The following DCC variants were observed in gnomAD, a reference collection of about 807,000 sequenced individuals.
The protein encoded by DCC is DCC netrin 1 receptor.
A neutral mutation model predicts 172.5 loss-of-function variants in DCC; 58 were observed. The ratio of observed to expected loss-of-function variants is 0.34; its 90% CI spans 0.27 to 0.42. The LOEUF (loss-of-function observed/expected upper bound fraction) is 0.42, where lower values mean the gene tolerates loss of function less well. Among genes scored for constraint, DCC ranks in the 10% least tolerant of loss-of-function variants. The pLI is 1.00. For missense variants in DCC, 1,740 were observed against 1,791.0 expected, an observed-to-expected ratio of 0.97 and a Z score of 0.51; for synonymous variants, 709 against 644.5, an observed-to-expected ratio of 1.10 and a Z score of -1.52.
intron 5 of DCC, among the ~76,000 whole-genome samples, chr18:53,019,326 A>T (rs542888550): frequency 6.6e-6 from 1 of 152,172 alleles, no homozygotes; most frequent in South Asian, 2.1e-4. Flanking sequence ...TTATTTTTAC[A>T]GAAGACATTG....
chr18:52,809,668 G>T (rs56917090), intron 2 of DCC, among the ~76,000 whole-genome samples: 1 of 152,172 alleles, frequency 6.6e-6, no homozygotes, highest in Non-Finnish European at 1.5e-5. Context: ...AGCAGTGGGG[G>T]ACGGTGAGTA....
intron 1 of DCC, among the ~76,000 whole-genome samples, chr18:52,372,489 A>T (rs1985164509): frequency 6.6e-6 from 1 of 152,186 alleles, no homozygotes; most frequent in African/African-American, 2.4e-5. Context: ...GACAGCAACT[A>T]TTACTTGTGG....
chr18:53,231,863 A>G (rs1486442850), intron 12 of DCC, among the ~76,000 whole-genome samples: 1 of 152,098 alleles, frequency 6.6e-6, no homozygotes, highest in Non-Finnish European at 1.5e-5. Flanking sequence ...TGTAATTCTT[A>G]TTTTGCTGAC....
intron 5 of DCC, among the ~76,000 whole-genome samples, chr18:52,946,998 C>G (rs917405515): frequency 1.1e-5 from 1 of 88,350 alleles, no homozygotes; most frequent in Non-Finnish European, 2.6e-5. Context: ...GGCTCACCTA[C>G]TCACCTCACC....
At chr18:52,763,866 A>C (rs946740244) in intron 2 of DCC, among the ~76,000 whole-genome samples, 1 of 152,188 alleles carries the variant, frequency 6.6e-6, no homozygotes, top group South Asian at 2.1e-4. Context: ...TATCTTGGGC[A>C]TCTTCCTATA....
chr18:52,721,306 T>A (rs2036470577), intron 1 of DCC, among the ~76,000 whole-genome samples: 1 of 152,216 alleles, frequency 6.6e-6, no homozygotes, highest in Admixed American at 6.5e-5. Flanking sequence ...GTCATTCAAG[T>A]GAGTAATTTA....
chr18:53,090,730 A>C (rs1568298474), intron 7 of DCC, among the ~76,000 whole-genome samples: 1 of 133,070 alleles, frequency 7.5e-6, no homozygotes, highest in Non-Finnish European at 1.6e-5. Context: ...AAAAAAAAAA[A>C]AAAAGAATGT....
intron 2 of DCC, among the ~76,000 whole-genome samples, chr18:52,873,070 A>G (rs147819178): frequency 5.9e-5 from 9 of 152,350 alleles, no homozygotes; most frequent in African/African-American, 1.9e-4. Context: ...CACAATTTGA[A>G]ATCGGTCACA....
At chr18:52,556,794 G>A (rs928037819) in intron 1 of DCC, among the ~76,000 whole-genome samples, 4 of 151,776 alleles carry the variant, frequency 2.6e-5, no homozygotes, top group Non-Finnish European at 5.9e-5. Context: ...AATTGGTGCC[G>A]CCGTCTCACC....
intron 7 of DCC, among the ~76,000 whole-genome samples, chr18:53,078,348 A>C (rs949301797): frequency 1.3e-5 from 2 of 152,202 alleles, no homozygotes; most frequent in African/African-American, 4.8e-5. Context: ...TTTTTAACAA[A>C]GAATCACAAA....
intron 4 of DCC, among the ~76,000 whole-genome samples, 170 bp from the exon 5 acceptor site, chr18:52,925,064 C>T (rs2298656): frequency 0.085 from 12,929 of 151,712 alleles, 919 homozygotes; most frequent in East Asian, 0.3. Context: ...AGTAGTTTAC[C>T]TTGAGTGAAT....
chr18:53,479,405 A>T (rs575922761), intron 25 of DCC, among the ~76,000 whole-genome samples: 1 of 152,306 alleles, frequency 6.6e-6, no homozygotes, highest in African/African-American at 2.4e-5. Context: ...TCTGTATAAA[A>T]ATGGAATTAA....
At chr18:53,257,812 T>G (rs1407850079) in intron 12 of DCC, among the ~76,000 whole-genome samples, 2 of 152,190 alleles carry the variant, frequency 1.3e-5, no homozygotes, top group Non-Finnish European at 2.9e-5. Flanking sequence ...GTACCTCTGG[T>G]AGAATTTGGC....
chr18:53,442,543 A>G (rs1224656932), intron 22 of DCC, among the ~76,000 whole-genome samples: 4 of 152,128 alleles, frequency 2.6e-5, no homozygotes, highest in Non-Finnish European at 4.4e-5. Context: ...TGAGCACAAC[A>G]CTGTTGAAAT....
chr18:53,437,778 A>T (rs989399083), intron 22 of DCC, among the ~76,000 whole-genome samples: 6 of 152,084 alleles, frequency 3.9e-5, no homozygotes, highest in African/African-American at 1.4e-4. Context: ...TAAGCCAAAA[A>T]CATTATATGT....
At chr18:53,502,873 T>C (rs2144478467) in intron 27 of DCC, among the ~76,000 whole-genome samples, 1 of 152,232 alleles carries the variant, frequency 6.6e-6, no homozygotes, top group Non-Finnish European at 1.5e-5. Context: ...TTTTAGGTTC[T>C]GGGGTACATG....
chr18:52,355,536 A>G (rs1345108097), intron 1 of DCC, among the ~76,000 whole-genome samples: 19 of 152,314 alleles, frequency 1.2e-4, no homozygotes, highest in Non-Finnish European at 1.5e-5. Context: ...AAGGATTATC[A>G]CAGTCTTTGG....
At chr18:53,100,689 G>C (rs2043159907) in intron 7 of DCC, among the ~76,000 whole-genome samples, 1 of 152,080 alleles carries the variant, frequency 6.6e-6, no homozygotes, top group Non-Finnish European at 1.5e-5. Flanking sequence ...GAAACACCGA[G>C]CTACCTGTGT....
chr18:53,311,861 GC>G (rs910884685), intron 13 of DCC, among the ~76,000 whole-genome samples: 2 of 152,062 alleles, frequency 1.3e-5, no homozygotes, highest in African/African-American at 4.8e-5. Context: ...ACCTAATACT[GC>G]CTGAATAGAA....
Sources: gnomAD v4.1 joint callset for allele counts (sites outside exome capture counted in the v4.1 genomes callset) on GRCh38, gnomAD v4.1.1 for gene constraint, MANE v1.5 for transcripts, NCBI Gene and HGNC (gene_info 2026-07-23, HGNC 2026-07-21) for gene names.